Variants in FNDC3A observed in about 807,000 individuals in gnomAD.
FNDC3A encodes the protein fibronectin type-III domain-containing protein 3A.
FNDC3A carries 32 observed loss-of-function variants against 148.9 expected under a neutral mutation model. The ratio of observed to expected loss-of-function variants is 0.21; its 90% CI spans 0.16 to 0.29. FNDC3A has a LOEUF of 0.29. Ranked by LOEUF, FNDC3A falls within the 10% of genes least tolerant of loss-of-function variation. The pLI is 1.00. For missense variants in FNDC3A, 1,191 were observed against 1,452.8 expected (o/e 0.82, Z 2.93); for synonymous variants, 472 against 473.6 (o/e 1.00, Z 0.04).
At chr13:49,006,599 T>A (rs1209971606) in intron 2 of FNDC3A, among the ~76,000 whole-genome samples, 1 of 152,014 alleles carries the variant, frequency 6.6e-6, no homozygotes, top group African/African-American at 2.4e-5. Flanking sequence ...TTATTATAAA[T>A]CATTTCAAAT....
chr13:49,165,406 G>A (rs902398332), intron 8 of FNDC3A, among the ~76,000 whole-genome samples: 3 of 152,198 alleles, frequency 2.0e-5, no homozygotes, highest in East Asian at 1.9e-4. Flanking sequence ...ACATGCTGAA[G>A]TGTAGTCTTT....
At chr13:49,083,563 G>T (rs996436473) in intron 3 of FNDC3A, among the ~76,000 whole-genome samples, 4 of 152,006 alleles carry the variant, frequency 2.6e-5, no homozygotes, top group African/African-American at 7.3e-5. Context: ...GATCATAGAA[G>T]CGTGAAATCA....
chr13:49,117,748 G>A (rs895318038), intron 4 of FNDC3A, among the ~76,000 whole-genome samples: 1 of 152,222 alleles, frequency 6.6e-6, no homozygotes, highest in African/African-American at 2.4e-5. Context: ...CGAGGGTGTT[G>A]TAGGTTATAA....
chr13:49,050,469 T>A (rs190026278), intron 2 of FNDC3A, among the ~76,000 whole-genome samples: 1 of 152,308 alleles, frequency 6.6e-6, no homozygotes, highest in East Asian at 1.9e-4. Flanking sequence ...CCTTTTGGAG[T>A]TGATTTCTGA....
chr13:49,067,465 G>T (rs1877341761), intron 2 of FNDC3A, among the ~76,000 whole-genome samples: 1 of 152,126 alleles, frequency 6.6e-6, no homozygotes, highest in African/African-American at 2.4e-5. Flanking sequence ...TATCCATAGG[G>T]TAAGGTGGAT....
At chr13:49,106,127 C>T (rs770549891) in intron 3 of FNDC3A, among the ~76,000 whole-genome samples, 2 of 152,134 alleles carry the variant, frequency 1.3e-5, no homozygotes, top group Non-Finnish European at 2.9e-5. Flanking sequence ...TGGTTGCTCC[C>T]TCTGTGTAGA....
chr13:49,112,524 T>C (rs1393569198), intron 3 of FNDC3A, among the ~76,000 whole-genome samples: 1 of 152,210 alleles, frequency 6.6e-6, no homozygotes, highest in Admixed American at 6.5e-5. Flanking sequence ...TTCTCTCATG[T>C]TTTTACGGAT....
At chr13:48,978,926 T>G (rs563148630) in intron 1 of FNDC3A, among the ~76,000 whole-genome samples, 3 of 152,312 alleles carry the variant, frequency 2.0e-5, no homozygotes, top group African/African-American at 7.2e-5. Flanking sequence ...ATAATTTTCT[T>G]AATATTTTGG....
intron 8 of FNDC3A, among the ~76,000 whole-genome samples, chr13:49,147,915 G>A (rs958082235): frequency 6.6e-6 from 1 of 152,014 alleles, no homozygotes; most frequent in Admixed American, 6.5e-5. Flanking sequence ...CTTTGTAATA[G>A]TAGCCATTCT....
chr13:49,136,375 A>T lies in FNDC3A; in HGVS notation c.534A>T (p.Arg178=). ...GAAGGTCCAACTTTAGAGATGAACG[A>T]TCTAGTAAAACATATGAACGTTTGC... ...THGRSNFRDE[R]SSKTYERLQK... is the part of the protein sequence containing the mutation. The change falls in exon 6 of 26, where the codon CGA becomes CGT. Residue 178 remains arginine (R), a synonymous_variant. Transcript: ENST00000492622. 2.5e-6 allele frequency: 4 copies of T among 1,614,116 alleles called. No individual in the cohort carries two copies. Among genetic ancestry groups the T allele is most frequent in the Non-Finnish European group, 3.4e-6 (4 of 1,179,958 alleles).
intron 2 of FNDC3A, among the ~76,000 whole-genome samples, chr13:49,071,578 G>A (rs976148421): frequency 6.6e-6 from 1 of 152,012 alleles, no homozygotes; most frequent in Non-Finnish European, 1.5e-5. Flanking sequence ...TTCTGACTGG[G>A]TTAAGATAAT....
At chr13:49,167,349 G>GTTT in intron 9 of FNDC3A, 46 bp downstream of exon 9, 1 of 962,522 alleles carries the variant, frequency 1.0e-6, no homozygotes, top group Non-Finnish European at 1.5e-6. Flanking sequence ...AGCATAAGGG[G>GTTT]TTTTTTTTTT....
intron 4 of FNDC3A, among the ~76,000 whole-genome samples, chr13:49,127,100 T>C (rs1484843960): frequency 2.0e-5 from 3 of 152,188 alleles, no homozygotes; most frequent in Non-Finnish European, 2.9e-5. Context: ...ACACAAACTT[T>C]CCTGCTCCTG....
chr13:49,153,619 C>T (rs1318407303), intron 8 of FNDC3A, among the ~76,000 whole-genome samples: 10 of 151,776 alleles, frequency 6.6e-5, no homozygotes, highest in Admixed American at 2.0e-4. Flanking sequence ...ATGGTAATGC[C>T]TAGGTTTTCT....
At chr13:49,010,978 CT>C (rs1952330723) in intron 2 of FNDC3A, among the ~76,000 whole-genome samples, 1 of 151,912 alleles carries the variant, frequency 6.6e-6, no homozygotes, top group Non-Finnish European at 1.5e-5. Context: ...GAAATTTGTT[CT>C]TTTTAGTTTT....
intron 8 of FNDC3A, 41 bp from the exon 9 acceptor site, chr13:49,167,203 C>T: frequency 2.3e-6 from 3 of 1,288,638 alleles, no homozygotes; most frequent in Non-Finnish European, 3.3e-6. Context: ...GTTGAAAATG[C>T]TTTATTTATC....
intron 7 of FNDC3A, among the ~76,000 whole-genome samples, chr13:49,143,712 T>C (rs1447960639): frequency 6.6e-6 from 1 of 152,184 alleles, no homozygotes; most frequent in African/African-American, 2.4e-5. Flanking sequence ...GCCACTCATT[T>C]TGTTGATGAG....
chr13:49,141,441 GAAGTACTATCT>G (rs1882684223), intron 7 of FNDC3A, among the ~76,000 whole-genome samples: 1 of 151,990 alleles, frequency 6.6e-6, no homozygotes, highest in Non-Finnish European at 1.5e-5. Flanking sequence ...GTGGTTACTA[GAAGTACTATCT>G]AACTCCAAGT....
intron 1 of FNDC3A, among the ~76,000 whole-genome samples, chr13:49,000,460 C>T (rs1267991967): frequency 2.6e-5 from 4 of 152,162 alleles, no homozygotes; most frequent in Non-Finnish European, 1.5e-5. Flanking sequence ...ATGCCAGTAC[C>T]ACACTGTTTT....
Sources: gnomAD v4.1 joint callset for allele counts (sites outside exome capture counted in the v4.1 genomes callset) on GRCh38, gnomAD v4.1.1 for gene constraint, MANE v1.5 for transcripts, NCBI Gene and HGNC (gene_info 2026-07-23, HGNC 2026-07-21) for gene names.